The following RPUSD2 variants were observed in gnomAD, a reference collection of about 807,000 sequenced individuals.
The protein encoded by RPUSD2 is RNA pseudouridine synthase domain containing 2.
Under a neutral mutation model 41.5 loss-of-function variants are expected in RPUSD2, and 31 were observed. The ratio of observed to expected loss-of-function variants is 0.75; its 90% CI spans 0.56 to 1.01. The LOEUF is 1.01. Among genes scored for constraint, RPUSD2 ranks in the 50% least tolerant of loss-of-function variants. RPUSD2 has a pLI of 0.00. For missense variants in RPUSD2, 749 were observed against 724.7 expected (o/e 1.03, Z -0.38); for synonymous variants, 305 against 289.7 (o/e 1.05, Z -0.54).
rs865914475 is a variant in RPUSD2, at chr15:40,571,785, A to G, written c.788A>G (p.Gln263Arg). Reference sequence around the variant, plus strand: ...ATCTTCATCCTAGGCAAGGAGCACCAACTCAAGGAGCTACACCCCTTGCAT... The same window carrying G: ...ATCTTCATCCTAGGCAAGGAGCACCGACTCAAGGAGCTACACCCCTTGCAT... ...TVIFILGKEH[Q>R]LKELHPLHRL... Residue 263 changes from glutamine to arginine, a missense_variant, in exon 2 of 3, where the codon CAA becomes CGA. By Grantham distance (43) the Gln-to-Arg change is conservative. Coordinates refer to ENST00000315616, the MANE Select transcript of RPUSD2 (RefSeq NM_152260.3). The G allele has an allele frequency of 6.2e-7, 1 of 1,614,242 alleles. No individual in the cohort carries two copies. Among genetic ancestry groups the G allele is most frequent in the African/African-American group, 1.3e-5 (1 of 75,068 alleles).
intron 2 of RPUSD2, among the ~76,000 whole-genome samples, chr15:40,573,095 G>A (rs1250620093): frequency 7.2e-6 from 1 of 137,942 alleles, no homozygotes; most frequent in Non-Finnish European, 1.5e-5. Context: ...TGTGATCCTG[G>A]CTCACTGCAA....
chr15:40,571,825 T>C lies in RPUSD2; in HGVS notation c.828T>C (p.Leu276=). The part of the protein sequence containing the change: ...ELHPLHRLDR[L]TSGVLMFAKT... ...ACCCCTTGCATCGGCTTGACCGCCT[T>C]ACCTCAGGGGTGCTTATGTTTGCCA... Residue 276 remains leucine, a synonymous_variant, in exon 2 of 3, where the codon CTT becomes CTC. Transcript: ENST00000315616. The C allele has an allele frequency of 6.2e-7, 1 of 1,614,224 alleles. No individual in the cohort carries two copies. Among genetic ancestry groups the C allele is most frequent in the Non-Finnish European group, 8.5e-7 (1 of 1,180,042 alleles).
At chr15:40,573,468 G>A in intron 2 of RPUSD2, 59 bp from the exon 3 acceptor site, 1 of 1,555,024 alleles carries the variant, frequency 6.4e-7, no homozygotes, top group Non-Finnish European at 8.7e-7. Flanking sequence ...TCCACAAAGA[G>A]TTTGGACTCC....
At chr15:40,570,924 G>C (rs566045779) in intron 1 of RPUSD2, among the ~76,000 whole-genome samples, 1 of 151,970 alleles carries the variant, frequency 6.6e-6, no homozygotes, top group African/African-American at 2.4e-5. Context: ...AGTTTTGTTT[G>C]TTCAAGATCG....
In RPUSD2 at chr15:40,569,877, C is replaced by T; in HGVS notation, c.540C>T (p.Ala180=). 3 of 1,598,664 alleles carry T rather than the reference C, an allele frequency of 1.9e-6. No individual in the cohort carries two copies. The highest frequency in any genetic ancestry group is 4.5e-5 in the East Asian group (2 of 44,378). ...FRAQPLAYYE[A]AVRAGRLQLN... is the part of the protein sequence containing the mutation. Reference sequence around the variant, plus strand: ...CTCAGCCCCTGGCCTACTATGAGGCCGCGGTCCGGGCGGGCCGCCTGCAAC... The same window carrying T: ...CTCAGCCCCTGGCCTACTATGAGGCTGCGGTCCGGGCGGGCCGCCTGCAAC... The change falls in exon 1 of 3, where the codon GCC becomes GCT. Residue 180 remains alanine, a synonymous_variant. Transcript: ENST00000315616.
chr15:40,572,253 C>T (rs745895902), intron 2 of RPUSD2, among the ~76,000 whole-genome samples: 1 of 144,574 alleles, frequency 6.9e-6, no homozygotes, highest in East Asian at 2.0e-4. Context: ...AATAGGGAGA[C>T]CCTATCTCTA....
chr15:40,572,883 A>G (rs1891171823), intron 2 of RPUSD2, among the ~76,000 whole-genome samples: 1 of 152,156 alleles, frequency 6.6e-6, no homozygotes, highest in Non-Finnish European at 1.5e-5. Flanking sequence ...TTGTCCTGAG[A>G]CTTGTAATTC....
At chr15:40,570,303 T>C (rs375301865) in intron 1 of RPUSD2, among the ~76,000 whole-genome samples, 1 of 152,184 alleles carries the variant, frequency 6.6e-6, no homozygotes, top group South Asian at 2.1e-4. Context: ...TAATAGGGGC[T>C]ATCATTTATG....
rs1314737249 is a variant in RPUSD2, at chr15:40,569,732, GTTA to G, written c.399_401del (p.Tyr134del). ...GGAGATGAGCACTTTGCAGAAACCA[GTTA>G]TTACTTCGAGGGCGGCCTGCGTAAG... On this transcript the variant is annotated inframe_deletion, in exon 1 of 3. Coordinates refer to ENST00000315616, the MANE Select transcript of RPUSD2 (RefSeq NM_152260.3). 1 of 1,598,386 alleles carries G rather than the reference GTTA, an allele frequency of 6.3e-7. No homozygotes were observed. Among genetic ancestry groups the G allele is most frequent in the African/African-American group, 1.3e-5 (1 of 74,780 alleles).
chr15:40,569,796 C>G lies in RPUSD2; in HGVS notation c.459C>G (p.Cys153Trp). Residue 153 changes from cysteine to tryptophan, a missense_variant, in exon 1 of 3, where the codon TGC becomes TGG. By Grantham distance (215) the Cys-to-Trp change is radical. Coordinates refer to ENST00000315616, the MANE Select transcript of RPUSD2 (RefSeq NM_152260.3). The stretch of plus-strand genomic sequence containing the variant: ...ATTACTTTGACTTCCGGACCTACTG[C>G]AAAGGTCGCTGGGTGGGCCACAGCT... ...RPYYFDFRTY[C>W]KGRWVGHSLL... 2 of 1,613,190 alleles carry G rather than the reference C, an allele frequency of 1.2e-6. No homozygotes were observed. Among genetic ancestry groups the G allele is most frequent in the Non-Finnish European group, 1.7e-6 (2 of 1,179,690 alleles).
chr15:40,573,781 C>A lies in RPUSD2; in HGVS notation c.1158C>A (p.Asp386Glu), dbSNP rs765512802. The change falls in exon 3 of 3, where the codon GAC becomes GAA. Residue 386 changes from aspartate (D) to glutamate (E), a missense_variant. Asp to Glu is a conservative substitution (Grantham distance 45). Coordinates refer to ENST00000315616, the MANE Select transcript of RPUSD2 (RefSeq NM_152260.3). ...LQFLGHPILN[D>E]PIYNSVAWGP... Reference sequence around the variant, plus strand: ...TCTTGGGCCATCCCATTCTCAACGACCCCATCTACAACTCAGTTGCCTGGG... The same window carrying A: ...TCTTGGGCCATCCCATTCTCAACGAACCCATCTACAACTCAGTTGCCTGGG... 6.2e-6 allele frequency: 10 copies of A among 1,614,122 alleles called. No homozygotes were observed. Among genetic ancestry groups the A allele is most frequent in the Non-Finnish European group, 8.5e-6 (10 of 1,180,046 alleles).
In RPUSD2 at chr15:40,573,684, A is replaced by G; in HGVS notation, c.1061A>G (p.Asn354Ser). The G allele has an allele frequency of 6.2e-7, 1 of 1,614,086 alleles. No homozygotes were observed. Among genetic ancestry groups the G allele is most frequent in the Non-Finnish European group, 8.5e-7 (1 of 1,179,992 alleles). ...CETVFQRLSY[N>S]GQSSVVRCRP... The stretch of plus-strand genomic sequence containing the variant: ...ACAGTGTTCCAGAGGCTAAGCTACA[A>G]TGGCCAGTCCAGTGTGGTACGGTGC... The change falls in exon 3 of 3, where the codon AAT (asparagine) becomes AGT (serine). Residue 354 changes from asparagine (N) to serine (S), a missense_variant. Coordinates refer to ENST00000315616, the MANE Select transcript of RPUSD2 (RefSeq NM_152260.3).
At chr15:40,572,024 A>G (rs1566990023) in intron 2 of RPUSD2, 124 bp downstream of exon 2, 1 of 1,012,214 alleles carries the variant, frequency 9.9e-7, no homozygotes, top group Non-Finnish European at 1.4e-6. Context: ...CTACCTTCCT[A>G]CCTTAAGGCA....
At position 40,574,683 on chromosome 15, in the gene RPUSD2, CCT is replaced by C. The variant is rs1236401096; in HGVS notation, c.*423_*424del. ...CAGAGCCTAGGTGACAGAGTGAGACCCTGTCTCTTAAAAAAAAAAAAAATTAA... is the reference window on the plus strand; with the variant it reads ...CAGAGCCTAGGTGACAGAGTGAGACCGTCTCTTAAAAAAAAAAAAAATTAA... On this transcript the variant is annotated 3_prime_UTR_variant, in exon 3 of 3. Coordinates refer to ENST00000315616, the MANE Select transcript of RPUSD2 (RefSeq NM_152260.3). 1.3e-5 allele frequency: 2 copies of C among 155,748 alleles called. No homozygotes were observed. The highest frequency in any genetic ancestry group is 2.4e-5 in the African/African-American group (1 of 41,264). 9.6% of individuals were successfully genotyped at this position (155,748 alleles called of 1,614,324 possible). A position where few individuals can be genotyped will look rare whatever the true frequency, so the allele number is the denominator to read the frequency against.
Position 40,573,828 on chromosome 15 carries a change from G to A in RPUSD2, c.1205G>A (p.Gly402Asp). The change falls in exon 3 of 3, where the codon GGC (glycine) becomes GAC (aspartate). Residue 402 changes from glycine (G) to aspartate (D), a missense_variant. Transcript: ENST00000315616. ...TGGGGTCCTTCTCGAGGCCGGGGCGGCTACATTCCCAAGACAAACGAGGAG... is the reference window on the plus strand; with the variant it reads ...TGGGGTCCTTCTCGAGGCCGGGGCGACTACATTCCCAAGACAAACGAGGAG... Reference protein sequence around the residue: ...VAWGPSRGRGGYIPKTNEELL... With the variant: ...VAWGPSRGRGDYIPKTNEELL... The A allele has an allele frequency of 1.2e-6, 2 of 1,614,194 alleles. No homozygotes were observed. The highest frequency in any genetic ancestry group is 1.7e-6 in the Non-Finnish European group (2 of 1,180,036).
chr15:40,574,212 A>C lies in RPUSD2; in HGVS notation c.1589A>C (p.Tyr530Ser). 6.2e-7 allele frequency: 1 copy of C among 1,613,360 alleles called. No individual in the cohort carries two copies. The highest frequency in any genetic ancestry group is 8.5e-7 in the Non-Finnish European group (1 of 1,179,976). ...CGCTATAAAGGGCCAGGCTTTGAGT[A>C]CTTTTCACCAATGCCTGCCTGGGCA... ...ALRYKGPGFE[Y>S]FSPMPAWAQD... is the part of the protein sequence containing the mutation. Residue 530 changes from tyrosine (Y) to serine (S), a missense_variant, in exon 3 of 3, where the codon TAC becomes TCC. Coordinates refer to ENST00000315616, the MANE Select transcript of RPUSD2 (RefSeq NM_152260.3).
chr15:40,573,489 G>C (rs781012667), intron 2 of RPUSD2, 38 bp from the exon 3 acceptor site: 1 of 1,578,056 alleles, frequency 6.3e-7, no homozygotes, highest in Admixed American at 1.7e-5. Flanking sequence ...ATGAATTTAG[G>C]CTTTGTACTG....
rs906996127 is a variant in RPUSD2 at position 40,570,077 on chromosome 15, C to T, written c.606+134C>T. 11 of 1,257,294 alleles carry T rather than the reference C, an allele frequency of 8.7e-6. No individual in the cohort carries two copies. In the Admixed American group the frequency reaches 3.4e-4, roughly 39 times the overall value. The allele number at this position is 1,257,294 out of a possible 1,614,324, so 77.9% of individuals were successfully genotyped here. On this transcript the variant is annotated intron_variant, in intron 1 of 2. Coordinates refer to ENST00000315616, the MANE Select transcript of RPUSD2 (RefSeq NM_152260.3). ...TCATGGCAATTCTAAAGCGTTCTCG[C>T]TTTCATTTGGAACACTATTTTAGCC...
intron 2 of RPUSD2, among the ~76,000 whole-genome samples, chr15:40,573,020 C>CTTTTTTTTTTTTTTTTTTTT (rs398026953): frequency 4.1e-5 from 4 of 96,784 alleles, no homozygotes; most frequent in African/African-American, 8.2e-5. Flanking sequence ...CTTTTCTTTT[C>CTTTTTTTTTTTTTTTTTTTT]TTTTTTTTTT....
Sources: gnomAD v4.1 joint callset for allele counts (sites outside exome capture counted in the v4.1 genomes callset) on GRCh38, gnomAD v4.1.1 for gene constraint, MANE v1.5 for transcripts, NCBI Gene and HGNC (gene_info 2026-07-23, HGNC 2026-07-21) for gene names.